The following ARHGEF9 variants were observed in gnomAD, a reference collection of about 807,000 sequenced individuals.
ARHGEF9 encodes rho guanine nucleotide exchange factor 9.
In ARHGEF9, 2 loss-of-function variants were observed where a neutral mutation model predicts 41.3. The observed-to-expected ratio is 0.05, with a 90% CI of 0.02 to 0.15. The LOEUF is 0.15. ARHGEF9 is among the 10% of genes least tolerant of loss of function. ARHGEF9 has a pLI of 1.00. For synonymous variants in ARHGEF9, 160 were observed against 154.4 expected, an observed-to-expected ratio of 1.04 and a Z score of -0.27; for missense variants, 225 against 424.7, an observed-to-expected ratio of 0.53 and a Z score of 4.13.
At chrX:63,723,211 G>A (rs1207493496) in intron 2 of ARHGEF9, among the ~76,000 whole-genome samples, 2 of 111,114 alleles carry the variant, frequency 1.8e-5, no homozygotes, top group Admixed American at 9.5e-5. Flanking sequence ...ACACCTTATT[G>A]GCATGTATGA....
At chrX:63,754,159 C>A (rs2055829248) in intron 1 of ARHGEF9, 2 of 673,947 alleles carry the variant, frequency 3.0e-6, no homozygotes, top group Non-Finnish European at 4.7e-6. Context: ...ATGAACGCCA[C>A]ATAGATTAAA....
chrX:63,659,289 C>T (rs1556339226), intron 7 of ARHGEF9, among the ~76,000 whole-genome samples: 2 of 112,170 alleles, frequency 1.8e-5, no homozygotes, highest in Non-Finnish European at 3.8e-5. Flanking sequence ...AACCAGGCTG[C>T]CCATATGCCA....
intron 6 of ARHGEF9, among the ~76,000 whole-genome samples, chrX:63,672,114 T>C (rs185847948): frequency 9.0e-6 from 1 of 110,756 alleles, no homozygotes; most frequent in East Asian, 2.9e-4. Context: ...TAAATGGGAA[T>C]AGCATTCATA....
At chrX:63,665,434 G>A (rs1407002638) in intron 7 of ARHGEF9, among the ~76,000 whole-genome samples, 1 of 112,849 alleles carries the variant, frequency 8.9e-6, no homozygotes, top group Non-Finnish European at 1.9e-5. Flanking sequence ...TACCTGTCAG[G>A]GCAAAAGTAG....
At chrX:63,665,237 G>C (rs1342300087) in intron 7 of ARHGEF9, among the ~76,000 whole-genome samples, 1 of 112,264 alleles carries the variant, frequency 8.9e-6, no homozygotes, top group Non-Finnish European at 1.9e-5. Context: ...TCACAAAGGA[G>C]AAGAGTCCTA....
At chrX:63,697,623 T>A (rs2051841496) in intron 3 of ARHGEF9, among the ~76,000 whole-genome samples, 2 of 111,630 alleles carry the variant, frequency 1.8e-5, no homozygotes, top group Non-Finnish European at 3.8e-5. Context: ...CAGGTCTTAT[T>A]AGCTACTGGT....
At chrX:63,744,561 G>A (rs193020666) in intron 1 of ARHGEF9, among the ~76,000 whole-genome samples, 2 of 112,432 alleles carry the variant, frequency 1.8e-5, no homozygotes, top group East Asian at 5.6e-4. Context: ...AAGCAGCTAT[G>A]TGACAATAAG....
At chrX:63,698,658 C>T (rs782013910) in intron 3 of ARHGEF9, among the ~76,000 whole-genome samples, 2 of 111,149 alleles carry the variant, frequency 1.8e-5, no homozygotes, top group Admixed American at 9.6e-5. Context: ...GGGCACACTC[C>T]AAGAAGATCC....
intron 7 of ARHGEF9, among the ~76,000 whole-genome samples, chrX:63,659,874 A>C (rs1403151233): frequency 8.9e-6 from 1 of 111,901 alleles, no homozygotes; most frequent in Non-Finnish European, 1.9e-5. Context: ...ACCCCATCTG[A>C]TGAGGAACTA....
At chrX:63,710,918 T>C (rs186976228) in intron 2 of ARHGEF9, among the ~76,000 whole-genome samples, 1 of 110,683 alleles carries the variant, frequency 9.0e-6, no homozygotes, top group Admixed American at 9.6e-5. Context: ...TAACGTGATA[T>C]ACAGGAAATC....
chrX:63,709,816 T>C (rs1461809995), intron 2 of ARHGEF9, among the ~76,000 whole-genome samples: 3 of 111,809 alleles, frequency 2.7e-5, no homozygotes, highest in African/African-American at 6.5e-5. Context: ...TGCTCAAACA[T>C]AGAAATACTA....
intron 8 of ARHGEF9, 66 bp downstream of exon 8, chrX:63,655,428 G>T (rs2048816292): frequency 8.3e-7 from 1 of 1,201,363 alleles, no homozygotes. Context: ...CAAGAAAATG[G>T]AAACCAATTC....
chrX:63,645,936 T>A (rs1177599218), intron 8 of ARHGEF9, among the ~76,000 whole-genome samples: 1 of 112,170 alleles, frequency 8.9e-6, no homozygotes, highest in Non-Finnish European at 1.9e-5. Flanking sequence ...TGGAGTGAGA[T>A]GGTACCTCAT....
At chrX:63,776,063 C>A (rs782328650) in intron 1 of ARHGEF9, among the ~76,000 whole-genome samples, 88 of 111,110 alleles carry the variant, frequency 7.9e-4, no homozygotes, top group African/African-American at 2.6e-3. Flanking sequence ...CTCTCCCACA[C>A]CTCAGCCCAG....
chrX:63,651,483 T>C (rs1281754123), intron 8 of ARHGEF9, among the ~76,000 whole-genome samples: 1 of 111,476 alleles, frequency 9.0e-6, no homozygotes, highest in Non-Finnish European at 1.9e-5. Flanking sequence ...AAATAAATGA[T>C]TTATTTAATA....
chrX:63,655,844 C>T, intron 7 of ARHGEF9, 107 bp from the exon 8 acceptor site: 1 of 1,038,221 alleles, frequency 9.6e-7, no homozygotes, highest in South Asian at 2.0e-5. Flanking sequence ...TTTGAAGTAC[C>T]AATGGGGGTT....
chrX:63,755,911 C>T, intron 1 of ARHGEF9: 1 of 721,305 alleles, frequency 1.4e-6, no homozygotes, highest in Admixed American at 8.6e-5. Flanking sequence ...ATTCTGGGTA[C>T]TATGAAGGGA....
chrX:63,730,065 C>A (rs1462510178), intron 1 of ARHGEF9, among the ~76,000 whole-genome samples: 6 of 111,471 alleles, frequency 5.4e-5, no homozygotes, highest in African/African-American at 2.0e-4. Flanking sequence ...AGTCTGAGAT[C>A]TAAGGCTGGT....
At chrX:63,719,216 G>T (rs1430790886) in intron 2 of ARHGEF9, among the ~76,000 whole-genome samples, 1 of 112,106 alleles carries the variant, frequency 8.9e-6, no homozygotes, top group Non-Finnish European at 1.9e-5. Flanking sequence ...AGGGCCACAA[G>T]CAAGACCTTC....
Sources: allele counts gnomAD v4.1 joint callset (sites outside exome capture counted in the v4.1 genomes callset), GRCh38; gene constraint gnomAD v4.1.1; transcripts MANE v1.5; gene names NCBI Gene and HGNC (gene_info 2026-07-23, HGNC 2026-07-21).